LDLRAD3: variants seen among roughly 807,000 people sequenced by gnomAD.
LDLRAD3 encodes low density lipoprotein receptor class A domain containing 3.
Under a neutral mutation model 29.4 loss-of-function variants are expected in LDLRAD3, and 20 were observed. That is an observed-to-expected ratio of 0.68 (90% CI 0.48 to 0.99). The LOEUF (loss-of-function observed/expected upper bound fraction) is 0.99, where lower values mean the gene tolerates loss of function less well. Among genes scored for constraint, LDLRAD3 ranks in the 50% least tolerant of loss-of-function variants. The pLI, the probability that LDLRAD3 is intolerant of heterozygous loss-of-function variation, is 0.00. For synonymous variants in LDLRAD3, 157 were observed against 192.7 expected (o/e 0.81, Z 1.53); for missense variants, 420 against 454.3 (o/e 0.92, Z 0.69).
At chr11:36,168,284 A>G (rs1314936695) in intron 4 of LDLRAD3, among the ~76,000 whole-genome samples, 1 of 152,210 alleles carries the variant, frequency 6.6e-6, no homozygotes, top group Non-Finnish European at 1.5e-5. Context: ...TATGCATGAT[A>G]TAACCTCCTG....
chr11:36,162,049 TA>T (rs58972773), intron 4 of LDLRAD3, among the ~76,000 whole-genome samples: 3,439 of 152,290 alleles, frequency 0.023, 116 homozygotes, highest in African/African-American at 0.073. Context: ...ATCATTCCGT[TA>T]ACGGTTTTAT....
chr11:36,006,151 T>C (rs146619676), intron 1 of LDLRAD3, among the ~76,000 whole-genome samples: 6 of 152,152 alleles, frequency 3.9e-5, no homozygotes, highest in Non-Finnish European at 7.4e-5. Flanking sequence ...GGTAGCATCA[T>C]TGAGTGTTTT....
At chr11:36,059,855 A>G (rs951274013) in intron 2 of LDLRAD3, among the ~76,000 whole-genome samples, 2 of 152,180 alleles carry the variant, frequency 1.3e-5, no homozygotes, top group South Asian at 2.1e-4. Context: ...GAAAGGCTCT[A>G]TCCACCCATG....
At chr11:36,127,087 A>C (rs1055756694) in intron 4 of LDLRAD3, among the ~76,000 whole-genome samples, 1 of 151,884 alleles carries the variant, frequency 6.6e-6, no homozygotes, top group Non-Finnish European at 1.5e-5. Context: ...AAAGAAAGAC[A>C]CGCATTAAAA....
rs368372811 is a variant in LDLRAD3 at position 36,216,017 on chromosome 11, AGT to A, written c.455-11065_455-11064del. 5.9e-5 allele frequency among the ~76,000 whole-genome samples: 9 copies of A among 152,300 alleles called. No individual in the cohort carries two copies. In the East Asian group the frequency reaches 1.4e-3, roughly 23 times the overall value. ...TCTTGACAAATGTAAGACGCGGCAG[AGT>A]GTCATACAGCCCCCACAGTGGCATC... On this transcript the variant is annotated intron_variant, in intron 4 of 5. Transcript: ENST00000315571.
intron 3 of LDLRAD3, among the ~76,000 whole-genome samples, chr11:36,084,553 AT>A (rs1463136973): frequency 8.5e-5 from 13 of 152,222 alleles, no homozygotes; most frequent in Non-Finnish European, 5.9e-5. Context: ...GAGTCAAACT[AT>A]TTATCCCCTC....
At chr11:36,088,346 T>A (rs984292461) in intron 3 of LDLRAD3, among the ~76,000 whole-genome samples, 1 of 152,090 alleles carries the variant, frequency 6.6e-6, no homozygotes, top group Non-Finnish European at 1.5e-5. Flanking sequence ...GGATGAGGAC[T>A]CCAGCCAAGA....
chr11:36,121,753 A>AT (rs1271978200), intron 4 of LDLRAD3, among the ~76,000 whole-genome samples: 1 of 152,226 alleles, frequency 6.6e-6, no homozygotes, highest in Non-Finnish European at 1.5e-5. Context: ...CACACAGTAC[A>AT]TAAACCCAAA....
At chr11:36,034,202 AC>A (rs2133208484) in intron 1 of LDLRAD3, among the ~76,000 whole-genome samples, 1 of 152,298 alleles carries the variant, frequency 6.6e-6, no homozygotes, top group African/African-American at 2.4e-5. Context: ...CCATTCAATG[AC>A]CTTTTAAAGT....
intron 1 of LDLRAD3, among the ~76,000 whole-genome samples, chr11:36,034,452 T>A (rs1852278816): frequency 6.6e-6 from 1 of 152,192 alleles, no homozygotes; most frequent in African/African-American, 2.4e-5. Flanking sequence ...TTTCTAGGAT[T>A]CTGATGTGGG....
At position 36,229,383 on chromosome 11, in the gene LDLRAD3, A is replaced by G; in HGVS notation, c.1024A>G (p.Thr342Ala). ...EPRDSEPSQG[T>A]EEV is the part of the protein sequence containing the mutation. The stretch of plus-strand genomic sequence containing the variant: ...CAGGGACTCTGAGCCCAGCCAGGGC[A>G]CTGAAGAAGTATAAGTCCCAGTTAT... The change falls in exon 6 of 6, where the codon ACT becomes GCT. Residue 342 changes from threonine to alanine, a missense_variant. By Grantham distance (58) the Thr-to-Ala change is moderately conservative (BLOSUM62 0). Coordinates refer to ENST00000315571, the MANE Select transcript of LDLRAD3 (RefSeq NM_174902.4). 6.2e-7 allele frequency: 1 copy of G among 1,610,690 alleles called. No homozygotes were observed. Among genetic ancestry groups the G allele is most frequent in the Admixed American group, 1.7e-5 (1 of 59,992 alleles).
chr11:36,122,840 G>A (rs1214077658), intron 4 of LDLRAD3, among the ~76,000 whole-genome samples: 1 of 151,984 alleles, frequency 6.6e-6, no homozygotes, highest in African/African-American at 2.4e-5. Flanking sequence ...GCAACATAAC[G>A]AGATCCTATC....
chr11:36,221,367 C>CA (rs34614422), intron 4 of LDLRAD3, among the ~76,000 whole-genome samples: 44,621 of 140,168 alleles, frequency 0.32, 6,885 homozygotes, highest in Admixed American at 0.36. Flanking sequence ...GACTCCATCT[C>CA]AAAAAAAAAA....
chr11:36,014,050 G>A (rs1322280023), intron 1 of LDLRAD3, among the ~76,000 whole-genome samples: 1 of 152,140 alleles, frequency 6.6e-6, no homozygotes, highest in African/African-American at 2.4e-5. Flanking sequence ...TTGGTTGTGT[G>A]TCCTGTTGCT....
At position 35,968,440 on chromosome 11, in the gene LDLRAD3, G is replaced by A. The variant is rs1215009045; in HGVS notation, c.46+24296G>A. The stretch of plus-strand genomic sequence containing the variant: ...GTTGGCCTGGTGTCTCAGGATATTT[G>A]AGAAGGTGTGACACTGGAGTCCTCA... On this transcript the variant is annotated intron_variant, in intron 1 of 5. Coordinates refer to ENST00000315571, the MANE Select transcript of LDLRAD3 (RefSeq NM_174902.4). The A allele has an allele frequency of 1.1e-5, 4 of 379,256 alleles. No individual in the cohort carries two copies. The East Asian group carries it at 2.6e-4, about 24-fold the overall frequency. 23.5% of individuals were successfully genotyped at this position (379,256 alleles called of 1,614,324 possible).
intron 1 of LDLRAD3, among the ~76,000 whole-genome samples, chr11:35,986,024 G>A (rs918878864): frequency 1.3e-5 from 2 of 152,076 alleles, no homozygotes; most frequent in Non-Finnish European, 2.9e-5. Context: ...ATGAGTATTT[G>A]ACGAGAGACT....
chr11:36,048,304 G>C (rs367901388), intron 2 of LDLRAD3, among the ~76,000 whole-genome samples: 1 of 152,184 alleles, frequency 6.6e-6, no homozygotes, highest in African/African-American at 2.4e-5. Flanking sequence ...TGATAGTCTG[G>C]TTCTGAGGAG....
At chr11:36,179,424 A>G (rs1854724522) in intron 4 of LDLRAD3, among the ~76,000 whole-genome samples, 1 of 151,960 alleles carries the variant, frequency 6.6e-6, no homozygotes, top group Non-Finnish European at 1.5e-5. Context: ...CAGTGAGCCA[A>G]GATTGTGCCA....
At chr11:36,143,638 A>C (rs1344541966) in intron 4 of LDLRAD3, among the ~76,000 whole-genome samples, 1 of 152,180 alleles carries the variant, frequency 6.6e-6, no homozygotes, top group Admixed American at 6.5e-5. Flanking sequence ...CTGCTAACAA[A>C]ATACCACAGA....
Sources: allele counts gnomAD v4.1 joint callset (sites outside exome capture counted in the v4.1 genomes callset), GRCh38; gene constraint gnomAD v4.1.1; transcripts MANE v1.5; gene names NCBI Gene and HGNC (gene_info 2026-07-23, HGNC 2026-07-21).